The following AFG2A variants were observed in gnomAD, a reference collection of about 807,000 sequenced individuals.
AFG2A encodes the protein ATPase family gene 2 protein homolog A.
chr4:123,056,040 T>G, the AFG2A span, among the ~76,000 whole-genome samples: 1 of 152,224 alleles, frequency 6.6e-6, no homozygotes, highest in Non-Finnish European at 1.5e-5. Flanking sequence ...TGCTTAGAGC[T>G]AGCCAGTGGT....
At chr4:122,951,259 T>C in the AFG2A span, among the ~76,000 whole-genome samples, 1,146 of 152,258 alleles carry the variant, frequency 7.5e-3, 14 homozygotes, top group African/African-American at 0.026. Context: ...TAGGTAAAAG[T>C]AATCTAGAGA....
the AFG2A span, among the ~76,000 whole-genome samples, chr4:122,946,155 G>A: frequency 2.5e-3 from 383 of 152,348 alleles, no homozygotes; most frequent in Middle Eastern, 0.027. Flanking sequence ...AGATGTGACT[G>A]TTAAGCAGAC....
chr4:123,244,414 T>C, the AFG2A span, among the ~76,000 whole-genome samples: 10 of 152,182 alleles, frequency 6.6e-5, no homozygotes, highest in Admixed American at 3.3e-4. Flanking sequence ...TGTGGAAACA[T>C]TGATGACCTC....
the AFG2A span, chr4:122,938,065 A>G: frequency 6.9e-7 from 1 of 1,443,254 alleles, no homozygotes; most frequent in African/African-American, 1.4e-5. Context: ...AAAAATTAAA[A>G]CTAAGTAAAA....
the AFG2A span, among the ~76,000 whole-genome samples, chr4:123,133,065 C>T: frequency 6.6e-6 from 1 of 152,184 alleles, no homozygotes; most frequent in African/African-American, 2.4e-5. Context: ...CAGGCGTGAG[C>T]CACTGCGCCC....
chr4:123,143,829 CTCT>C, the AFG2A span, among the ~76,000 whole-genome samples: 1 of 78,688 alleles, frequency 1.3e-5, no homozygotes, highest in Non-Finnish European at 3.1e-5. Context: ...AAACTTCTCT[CTCT>C]TTTTTTTTTT....
the AFG2A span, among the ~76,000 whole-genome samples, chr4:123,054,092 T>C: frequency 0.054 from 8,209 of 152,280 alleles, 525 homozygotes; most frequent in African/African-American, 0.16. Flanking sequence ...TTAGTGTGCA[T>C]GATTTCTCTG....
the AFG2A span, among the ~76,000 whole-genome samples, chr4:123,085,271 T>G: frequency 6.6e-6 from 1 of 152,216 alleles, no homozygotes; most frequent in African/African-American, 2.4e-5. Context: ...TTTTTTTGCC[T>G]GTTGGATCTA....
the AFG2A span, among the ~76,000 whole-genome samples, chr4:123,277,807 A>T: frequency 6.6e-6 from 1 of 152,224 alleles, no homozygotes; most frequent in Non-Finnish European, 1.5e-5. Flanking sequence ...CCAAACTTGC[A>T]TTCCAGGGAT....
chr4:122,943,561 C>T, the AFG2A span, among the ~76,000 whole-genome samples: 5 of 152,152 alleles, frequency 3.3e-5, no homozygotes, highest in African/African-American at 7.2e-5. Context: ...CTGAATACAG[C>T]ACACTGATGG....
chr4:123,123,918 C>G, the AFG2A span, among the ~76,000 whole-genome samples: 1 of 142,072 alleles, frequency 7.0e-6, no homozygotes, highest in African/African-American at 2.7e-5. Context: ...CGCCACTGCA[C>G]TCCAGCCTGG....
chr4:123,216,905 A>T, the AFG2A span, among the ~76,000 whole-genome samples: 2 of 152,106 alleles, frequency 1.3e-5, no homozygotes, highest in Admixed American at 1.3e-4. Flanking sequence ...CCTGGCTTCA[A>T]GTGGTCCTTC....
chr4:123,045,308 G>A, the AFG2A span, among the ~76,000 whole-genome samples: 26 of 57,456 alleles, frequency 4.5e-4, no homozygotes, highest in South Asian at 1.8e-3. Context: ...ACTTCAGTGC[G>A]TATTTCTACA....
chr4:123,305,440 A>G, the AFG2A span, among the ~76,000 whole-genome samples: 11 of 152,182 alleles, frequency 7.2e-5, no homozygotes, highest in Non-Finnish European at 1.6e-4. Flanking sequence ...TTTACAGCCA[A>G]TAGCGAGGAC....
the AFG2A span, among the ~76,000 whole-genome samples, chr4:123,168,241 C>T: frequency 1.3e-5 from 2 of 152,240 alleles, no homozygotes; most frequent in Non-Finnish European, 1.5e-5. Context: ...ATCCTTCCTC[C>T]TGACTGTGCC....
chr4:123,195,822 C>A, the AFG2A span, among the ~76,000 whole-genome samples: 2 of 152,124 alleles, frequency 1.3e-5, no homozygotes, highest in African/African-American at 4.8e-5. Context: ...GAAACCAATA[C>A]CCCTTCCCAA....
the AFG2A span, among the ~76,000 whole-genome samples, chr4:122,953,955 T>C: frequency 6.6e-6 from 1 of 152,226 alleles, no homozygotes; most frequent in South Asian, 2.1e-4. Flanking sequence ...ACTAAGATGG[T>C]GTCTTTCATG....
the AFG2A span, among the ~76,000 whole-genome samples, chr4:123,087,274 C>T: frequency 1.3e-5 from 2 of 152,086 alleles, no homozygotes; most frequent in Non-Finnish European, 2.9e-5. Context: ...AGTCTATACC[C>T]TTGGACTGTG....
the AFG2A span, among the ~76,000 whole-genome samples, chr4:122,958,262 C>T: frequency 3.3e-5 from 5 of 152,150 alleles, no homozygotes; most frequent in African/African-American, 1.2e-4. Context: ...GATTTCCAAG[C>T]TTTGGCTCTG....
Sources: allele counts gnomAD v4.1 joint callset (sites outside exome capture counted in the v4.1 genomes callset), GRCh38; gene constraint gnomAD v4.1.1; transcripts MANE v1.5; gene names NCBI Gene and HGNC (gene_info 2026-07-23, HGNC 2026-07-21).